The following MAGI3 variants were observed in gnomAD, a reference collection of about 807,000 sequenced individuals.
MAGI3 encodes membrane-associated guanylate kinase, WW and PDZ domain-containing protein 3.
Under a neutral mutation model 121.8 loss-of-function variants are expected in MAGI3, and 43 were observed. That is an observed-to-expected ratio of 0.35 (90% CI 0.28 to 0.46). MAGI3 has a LOEUF of 0.46. MAGI3 is among the 20% of genes least tolerant of loss of function. MAGI3 has a pLI of 1.00. For missense variants in MAGI3, 1,547 were observed against 1,797.3 expected (o/e 0.86, Z 2.52); for synonymous variants, 553 against 639.3 (o/e 0.86, Z 2.04).
At chr1:113,415,658 C>A (rs1176322018) in intron 1 of MAGI3, among the ~76,000 whole-genome samples, 1 of 151,956 alleles carries the variant, frequency 6.6e-6, no homozygotes, top group Non-Finnish European at 1.5e-5. Context: ...GTTTAGCATG[C>A]AAATCTTACA....
At chr1:113,517,172 A>T (rs1310144402) in intron 1 of MAGI3, among the ~76,000 whole-genome samples, 1 of 152,016 alleles carries the variant, frequency 6.6e-6, no homozygotes, top group Non-Finnish European at 1.5e-5. Context: ...TATAAACTTT[A>T]GTCAATAATG....
chr1:113,518,794 T>G (rs549584218), intron 1 of MAGI3, among the ~76,000 whole-genome samples: 1 of 152,286 alleles, frequency 6.6e-6, no homozygotes, highest in South Asian at 2.1e-4. Context: ...TCCATTTAAT[T>G]TAAAATAATT....
chr1:113,584,904 C>CTGCTCTT (rs1557836537), intron 3 of MAGI3, among the ~76,000 whole-genome samples: 1 of 150,844 alleles, frequency 6.6e-6, no homozygotes, highest in Non-Finnish European at 1.5e-5. Flanking sequence ...TTTCTGCTCT[C>CTGCTCTT]TCTTCTCGTA....
intron 1 of MAGI3, among the ~76,000 whole-genome samples, chr1:113,426,756 A>G (rs565098113): frequency 6.6e-6 from 1 of 152,136 alleles, no homozygotes; most frequent in African/African-American, 2.4e-5. Context: ...TTATCCTTTT[A>G]CTTTTAGCTT....
chr1:113,416,271 AATTAATTACACAT>A (rs139101887), intron 1 of MAGI3, among the ~76,000 whole-genome samples: 1,498 of 36,902 alleles, frequency 0.041, 430 homozygotes, highest in African/African-American at 0.077. Context: ...TTAATTATGT[AATTAATTACACAT>A]ATTAATTATG....
chr1:113,637,992 A>G (rs1284351096), intron 9 of MAGI3, among the ~76,000 whole-genome samples: 2 of 151,772 alleles, frequency 1.3e-5, no homozygotes, highest in Non-Finnish European at 2.9e-5. Flanking sequence ...ATCTTCCATC[A>G]CTGATACCCT....
intron 1 of MAGI3, among the ~76,000 whole-genome samples, chr1:113,520,688 G>A (rs1658135639): frequency 6.6e-6 from 1 of 151,738 alleles, no homozygotes; most frequent in Admixed American, 6.6e-5. Context: ...CCACAACTTC[G>A]GTCTCCTCAG....
Position 113,681,186 on chromosome 1 carries a change from TTC to T in MAGI3, c.3190-8_3190-7del, listed in dbSNP as rs748098144. 1.9e-6 allele frequency: 3 copies of T among 1,609,344 alleles called. No homozygotes were observed. Among genetic ancestry groups the T allele is most frequent in the Admixed American group, 1.7e-5 (1 of 58,696 alleles). On this transcript the variant is annotated splice_polypyrimidine_tract_variant and intron_variant, in intron 19 of 20. Transcript: ENST00000307546. ...TAGTTTCATGTTGTTCCTGTGAATG[TTC>T]TCTGTCTAGGTTGGTGACCAGATTG...
At position 113,658,583 on chromosome 1, in the gene MAGI3, C is replaced by T. The variant is rs1309859918; in HGVS notation, c.2630-497C>T. 6.6e-6 allele frequency among the ~76,000 whole-genome samples: 1 copy of T among 152,180 alleles called. No individual in the cohort carries two copies. Among genetic ancestry groups the T allele is most frequent in the Non-Finnish European group, 1.5e-5 (1 of 68,034 alleles). On this transcript the variant is annotated intron_variant, in intron 15 of 20. Transcript: ENST00000307546. This position sits in a 1 kb window ranked among gnomAD's most constrained non-coding sequence, Gnocchi z 4.0. ...ACCTGAATTTCTGACCAATAACTACCGAGTGCTAAACCTGAGTTTGACCTG... is the reference window on the plus strand; with the variant it reads ...ACCTGAATTTCTGACCAATAACTACTGAGTGCTAAACCTGAGTTTGACCTG...
At chr1:113,486,580 A>G (rs1656390189) in intron 1 of MAGI3, among the ~76,000 whole-genome samples, 1 of 151,356 alleles carries the variant, frequency 6.6e-6, no homozygotes, top group Admixed American at 6.6e-5. Context: ...AGGACTTACT[A>G]TGTATATTTT....
chr1:113,583,319 T>A (rs1648148569), intron 3 of MAGI3, among the ~76,000 whole-genome samples: 1 of 125,338 alleles, frequency 8.0e-6, no homozygotes, highest in African/African-American at 3.8e-5. Flanking sequence ...TTATAAACAA[T>A]GCTAATTTTT....
intron 6 of MAGI3, among the ~76,000 whole-genome samples, chr1:113,596,231 A>C (rs990992026): frequency 1.3e-5 from 2 of 152,186 alleles, no homozygotes; most frequent in African/African-American, 4.8e-5. Flanking sequence ...CAAAATAGAG[A>C]GTCTAGAAAT....
chr1:113,537,066 C>T (rs1367140759), intron 1 of MAGI3, among the ~76,000 whole-genome samples: 1 of 152,152 alleles, frequency 6.6e-6, no homozygotes, highest in Non-Finnish European at 1.5e-5. Flanking sequence ...ACTACCTTTT[C>T]AGTTTACCTT....
At chr1:113,562,972 G>C (rs2101690745) in intron 2 of MAGI3, among the ~76,000 whole-genome samples, 1 of 152,222 alleles carries the variant, frequency 6.6e-6, no homozygotes, top group East Asian at 1.9e-4. Context: ...AACTCATTCT[G>C]TGTTGTGAAC....
chr1:113,577,351 G>A (rs1245577781), intron 2 of MAGI3, among the ~76,000 whole-genome samples: 5 of 152,082 alleles, frequency 3.3e-5, no homozygotes, highest in Non-Finnish European at 7.4e-5. Context: ...GTGAATGGTT[G>A]GGGAAAAGAT....
intron 17 of MAGI3, 59 bp from the exon 18 acceptor site, chr1:113,672,556 C>CATTAA: frequency 1.3e-6 from 2 of 1,563,460 alleles, no homozygotes; most frequent in Non-Finnish European, 1.7e-6. Flanking sequence ...ATTAATCTGC[C>CATTAA]TTTAGACTGT....
chr1:113,535,616 G>A (rs1049981758), intron 1 of MAGI3, among the ~76,000 whole-genome samples: 3 of 152,026 alleles, frequency 2.0e-5, no homozygotes, highest in Non-Finnish European at 2.9e-5. Context: ...TTTCTAAGAG[G>A]ATATGCAAGT....
chr1:113,474,499 A>G (rs1412473727), intron 1 of MAGI3, among the ~76,000 whole-genome samples: 1 of 152,190 alleles, frequency 6.6e-6, no homozygotes, highest in Non-Finnish European at 1.5e-5. Flanking sequence ...CAGTTTTCCC[A>G]GCACCATTTA....
chr1:113,584,865 A>T (rs1478494694), intron 3 of MAGI3, among the ~76,000 whole-genome samples: 1 of 152,062 alleles, frequency 6.6e-6, no homozygotes, highest in Non-Finnish European at 1.5e-5. Context: ...ATATGTGAAG[A>T]GCACTTGAGA....
Sources: gnomAD v4.1 joint callset for allele counts (sites outside exome capture counted in the v4.1 genomes callset) on GRCh38, gnomAD v4.1.1 for gene constraint, Gnocchi (gnomAD v3.1) non-coding constraint, MANE v1.5 for transcripts, NCBI Gene and HGNC (gene_info 2026-07-23, HGNC 2026-07-21) for gene names.